Variants in NAP1L1 observed in about 807,000 individuals in gnomAD.
The protein encoded by NAP1L1 is nucleosome assembly protein 1 like 1, also known as nucleosome assembly protein 1-like 1.
Under a neutral mutation model 58.9 loss-of-function variants are expected in NAP1L1, and 9 were observed. The ratio of observed to expected loss-of-function variants is 0.15; its 90% CI spans 0.09 to 0.27. The LOEUF (loss-of-function observed/expected upper bound fraction) is 0.27. Among genes scored for constraint, NAP1L1 ranks in the 10% least tolerant of loss-of-function variants. The pLI is 1.00. For synonymous variants in NAP1L1, 130 were observed against 138.3 expected, an observed-to-expected ratio of 0.94 and a Z score of 0.42; for missense variants, 302 against 458.8, an observed-to-expected ratio of 0.66 and a Z score of 3.12.
intron 2 of NAP1L1, among the ~76,000 whole-genome samples, chr12:76,070,841 TAATACTATATA>T (rs1949920852): frequency 6.6e-6 from 1 of 152,124 alleles, no homozygotes; most frequent in African/African-American, 2.4e-5. Flanking sequence ...TTACTTATAA[TAATACTATATA>T]CCATATAAAC....
intron 4 of NAP1L1, among the ~76,000 whole-genome samples, chr12:76,066,114 A>C (rs919715202): frequency 2.0e-5 from 2 of 97,880 alleles, no homozygotes; most frequent in Non-Finnish European, 3.9e-5. Context: ...ATAAATAAAT[A>C]AATAAATAAA....
At position 76,040,069 on chromosome 12, in the gene NAP1L1, A is replaced by C. The variant is rs529145762; in HGVS notation, c.*8360T>G. On this transcript the variant is annotated 3_prime_UTR_variant, in exon 15 of 15. Coordinates refer to ENST00000618691, the MANE Select transcript of NAP1L1 (RefSeq NM_004537.7). Reference sequence around the variant, plus strand: ...TTCACTACGTTATAGCTTGAATTATAGCTGGAAATCAATTGTCCAGCTATA... The same window carrying C: ...TTCACTACGTTATAGCTTGAATTATCGCTGGAAATCAATTGTCCAGCTATA... The C allele has an allele frequency of 6.6e-6, 1 of 152,334 alleles. No homozygotes were observed. Among genetic ancestry groups the C allele is most frequent in the African/African-American group, 2.4e-5 (1 of 41,578 alleles). 9.4% of individuals were successfully genotyped at this position (152,334 alleles called of 1,614,324 possible).
chr12:76,049,954 G>A (rs1484189503), intron 12 of NAP1L1, among the ~76,000 whole-genome samples, 169 bp from the exon 13 acceptor site: 1 of 152,080 alleles, frequency 6.6e-6, no homozygotes, highest in Non-Finnish European at 1.5e-5. Context: ...GAATCACTCT[G>A]CTCACTGCCA....
Position 76,037,353 on chromosome 12 carries a change from CTTTTT to C in NAP1L1, c.*11071_*11075del, listed in dbSNP as rs903219993. 1 of 152,178 alleles carries C rather than the reference CTTTTT, an allele frequency of 6.6e-6. No homozygotes were observed. Among genetic ancestry groups the C allele is most frequent in the Non-Finnish European group, 1.5e-5 (1 of 68,036 alleles). 9.4% of individuals were successfully genotyped at this position (152,178 alleles called of 1,614,324 possible). ...AGTGCTTTATAATGAGTGCTTAGCG[CTTTTT>C]TTTAACTGTAGTACAAACACAATTG... On this transcript the variant is annotated 3_prime_UTR_variant, in exon 15 of 15. Coordinates refer to ENST00000618691, the MANE Select transcript of NAP1L1 (RefSeq NM_004537.7).
At chr12:76,079,578 A>G (rs1287650386) in intron 1 of NAP1L1, among the ~76,000 whole-genome samples, 6 of 152,238 alleles carry the variant, frequency 3.9e-5, no homozygotes, top group Admixed American at 2.0e-4. Flanking sequence ...GACTTCAAGG[A>G]AAAACATTAA....
At chr12:76,053,026 G>T in intron 11 of NAP1L1, 65 bp downstream of exon 11, 1 of 1,487,864 alleles carries the variant, frequency 6.7e-7, no homozygotes, top group South Asian at 1.2e-5. Flanking sequence ...CTCCATTTTT[G>T]AAATTCAGTG....
intron 6 of NAP1L1, among the ~76,000 whole-genome samples, chr12:76,058,576 T>C (rs1949250648): frequency 6.6e-6 from 1 of 151,988 alleles, no homozygotes; most frequent in Non-Finnish European, 1.5e-5. Context: ...TTAGTAGAGA[T>C]GGGATTTCAC....
rs1948925858 is a variant in NAP1L1, at chr12:76,053,262, T to C, written c.859A>G (p.Thr287Ala). 3 of 1,613,936 alleles carry C rather than the reference T, an allele frequency of 1.9e-6. No individual in the cohort carries two copies. The highest frequency in any genetic ancestry group is 2.5e-6 in the Non-Finnish European group (3 of 1,179,972). The stretch of plus-strand genomic sequence containing the variant: ...TCATTGGAAACTGTTTTAGTCACAG[T>C]ACGAACTGTCCCACGTCCCTTGTGT... Reference protein sequence around the residue: ...QKHKGRGTVRTVTKTVSNDSF... With the variant: ...QKHKGRGTVRAVTKTVSNDSF... The change falls in exon 10 of 15, where the codon ACT becomes GCT. Residue 287 changes from threonine to alanine, a missense_variant. Coordinates refer to ENST00000618691, the MANE Select transcript of NAP1L1 (RefSeq NM_004537.7).
At position 76,049,913 on chromosome 12, in the gene NAP1L1, G is replaced by A. The variant is rs1948742105; in HGVS notation, c.1060-128C>T. 6.4e-6 allele frequency: 6 copies of A among 942,140 alleles called. No homozygotes were observed. The South Asian group carries it at 7.5e-5, about 12-fold the overall frequency. The allele number at this position is 942,140 out of a possible 1,614,324, so 58.4% of individuals were successfully genotyped here. Reference sequence around the variant, plus strand: ...AAACCTACTTTCCTATCAAGGGGCTGATTATAAATTAAAACACATAGTAGC... The same window carrying A: ...AAACCTACTTTCCTATCAAGGGGCTAATTATAAATTAAAACACATAGTAGC... On this transcript the variant is annotated intron_variant, in intron 12 of 14. Coordinates refer to ENST00000618691, the MANE Select transcript of NAP1L1 (RefSeq NM_004537.7).
intron 6 of NAP1L1, chr12:76,057,957 T>A: frequency 1.0e-6 from 1 of 990,038 alleles, no homozygotes; most frequent in Non-Finnish European, 1.6e-6. Flanking sequence ...AAATTGATCT[T>A]AAATCACACA....
intron 1 of NAP1L1, among the ~76,000 whole-genome samples, chr12:76,079,929 C>T (rs1364708187): frequency 6.6e-6 from 1 of 152,134 alleles, no homozygotes; most frequent in Non-Finnish European, 1.5e-5. Flanking sequence ...TCTGGGCTCC[C>T]GCCTTGGCCT....
rs1326806695 is a variant in NAP1L1 at position 76,039,259 on chromosome 12, G to C, written c.*9170C>G. ...AAACCATAGGTTCTTCTTTTTACAG[G>C]AGAGGTTGGATGCCAGTAGCCTTTA... On this transcript the variant is annotated 3_prime_UTR_variant, in exon 15 of 15. Transcript: ENST00000618691. The C allele has an allele frequency of 6.6e-6, 1 of 152,074 alleles. No homozygotes were observed. Among genetic ancestry groups the C allele is most frequent in the Non-Finnish European group, 1.5e-5 (1 of 68,032 alleles). 9.4% of individuals were successfully genotyped at this position (152,074 alleles called of 1,614,324 possible).
chr12:76,053,729 A>T (rs755406176), intron 9 of NAP1L1, 41 bp downstream of exon 9: 1 of 1,589,840 alleles, frequency 6.3e-7, no homozygotes, highest in Non-Finnish European at 8.5e-7. Context: ...TATAACAAAA[A>T]CAGAAAAAAC....
intron 6 of NAP1L1, chr12:76,057,283 C>T (rs1034008348): frequency 9.6e-6 from 3 of 311,160 alleles, no homozygotes; most frequent in African/African-American, 2.2e-5. Flanking sequence ...CAGCAAGTCC[C>T]TGTCTCTTAA....
chr12:76,054,560 T>C (rs142786943), intron 8 of NAP1L1, among the ~76,000 whole-genome samples: 4 of 152,314 alleles, frequency 2.6e-5, no homozygotes, highest in African/African-American at 7.2e-5. Context: ...GGCTTTTAAA[T>C]AGTAGACTAA....
chr12:76,076,847 GAT>G (rs1950201396), intron 1 of NAP1L1, among the ~76,000 whole-genome samples: 1 of 152,018 alleles, frequency 6.6e-6, no homozygotes, highest in South Asian at 2.1e-4. Flanking sequence ...CCTAGGCTAT[GAT>G]ATAGACTATT....
At chr12:76,050,318 T>TA (rs1222591566) in intron 12 of NAP1L1, among the ~76,000 whole-genome samples, 4 of 152,108 alleles carry the variant, frequency 2.6e-5, no homozygotes, top group African/African-American at 4.8e-5. Flanking sequence ...AGAACAATCT[T>TA]ATTAGCAGAA....
chr12:76,055,662 G>A (rs1949051025), intron 7 of NAP1L1, among the ~76,000 whole-genome samples: 1 of 152,072 alleles, frequency 6.6e-6, no homozygotes, highest in Non-Finnish European at 1.5e-5. Flanking sequence ...ACATCTTTAT[G>A]GTATTCTTTT....
chr12:76,073,345 A>G (rs947582817), intron 2 of NAP1L1, among the ~76,000 whole-genome samples: 2 of 152,120 alleles, frequency 1.3e-5, no homozygotes, highest in Non-Finnish European at 2.9e-5. Context: ...GCTACTGTAA[A>G]ATTACACGCA....
Sources: allele counts gnomAD v4.1 joint callset (sites outside exome capture counted in the v4.1 genomes callset), GRCh38; gene constraint gnomAD v4.1.1; transcripts MANE v1.5; gene names NCBI Gene and HGNC (gene_info 2026-07-23, HGNC 2026-07-21).